PCDH15: variants seen among roughly 807,000 people sequenced by gnomAD.
PCDH15 encodes the protein protocadherin-15.
Under a neutral mutation model 178.5 loss-of-function variants are expected in PCDH15, and 129 were observed. That is an observed-to-expected ratio of 0.72 (90% CI 0.63 to 0.84). PCDH15 has a LOEUF of 0.84. Among genes scored for constraint, PCDH15 ranks in the 40% least tolerant of loss-of-function variants. The pLI, the probability that PCDH15 is intolerant of heterozygous loss-of-function variation, is 0.00. For missense variants in PCDH15, 2,230 were observed against 2,099.9 expected, an observed-to-expected ratio of 1.06 and a Z score of -1.21; for synonymous variants, 800 against 732.0, an observed-to-expected ratio of 1.09 and a Z score of -1.50.
chr10:54,551,542 A>G (rs959333281), intron 2 of PCDH15, among the ~76,000 whole-genome samples: 2 of 152,298 alleles, frequency 1.3e-5, no homozygotes, highest in Admixed American at 6.5e-5. Flanking sequence ...CTACACAGAT[A>G]TTAGAAAATA....
intron 2 of PCDH15, among the ~76,000 whole-genome samples, chr10:55,395,192 T>TGA (rs1837892851): frequency 1.1e-5 from 1 of 89,062 alleles, no homozygotes; most frequent in South Asian, 3.8e-4. Flanking sequence ...TGTGTGTGTG[T>TGA]GTGTGAGAGA....
At chr10:53,901,331 G>T (rs2082319190) in intron 26 of PCDH15, among the ~76,000 whole-genome samples, 1 of 152,006 alleles carries the variant, frequency 6.6e-6, no homozygotes, top group South Asian at 2.1e-4. Flanking sequence ...AGGAGGTATG[G>T]GGATCTGTTC....
At chr10:54,296,144 CAAAAAAAAAA>C (rs59721161) in intron 8 of PCDH15, among the ~76,000 whole-genome samples, 3 of 48,222 alleles carry the variant, frequency 6.2e-5, no homozygotes, top group African/African-American at 1.6e-4. Context: ...GACTCCGTCT[CAAAAAAAAAA>C]AAAAAAAAAA....
chr10:53,971,262 A>G (rs1383103257), intron 21 of PCDH15, among the ~76,000 whole-genome samples: 1 of 152,230 alleles, frequency 6.6e-6, no homozygotes, highest in East Asian at 1.9e-4. Flanking sequence ...AACTCTCAAT[A>G]AACTAGGTAT....
intron 2 of PCDH15, among the ~76,000 whole-genome samples, chr10:54,940,116 T>C (rs1391878560): frequency 6.6e-6 from 1 of 152,170 alleles, no homozygotes; most frequent in Admixed American, 6.5e-5. Context: ...TCAGTGTCTT[T>C]AGGTTTAAGT....
Position 55,393,563 on chromosome 10 carries a change from A to G in PCDH15, c.-155-226912T>C, listed in dbSNP as rs140364122. 2.7e-4 allele frequency among the ~76,000 whole-genome samples: 41 copies of G among 152,306 alleles called. No homozygotes were observed. In the East Asian group the frequency reaches 6.8e-3, roughly 25 times the overall value. ...CCCTAAGGTTAAGGAAACAAAAGTTACCTATGGGTCAACGTTTCAGGGCCC... is the reference window on the plus strand; with the variant it reads ...CCCTAAGGTTAAGGAAACAAAAGTTGCCTATGGGTCAACGTTTCAGGGCCC... On this transcript the variant is annotated intron_variant, in intron 2 of 5. Coordinates refer to the PCDH15 transcript ENST00000613346.
chr10:54,675,907 G>A (rs1027990645), intron 1 of PCDH15, among the ~76,000 whole-genome samples: 1 of 152,092 alleles, frequency 6.6e-6, no homozygotes, highest in Non-Finnish European at 1.5e-5. Context: ...TTCACAAAAT[G>A]TCCTGTTATT....
intron 8 of PCDH15, among the ~76,000 whole-genome samples, chr10:54,277,870 A>G (rs2058437612): frequency 6.9e-6 from 1 of 145,114 alleles, no homozygotes; most frequent in Non-Finnish European, 1.5e-5. Context: ...CCAATATAAT[A>G]CATCAAGGTT....
intron 21 of PCDH15, among the ~76,000 whole-genome samples, chr10:53,993,226 C>A (rs1322118911): frequency 6.6e-6 from 1 of 152,160 alleles, no homozygotes; most frequent in East Asian, 1.9e-4. Flanking sequence ...AGAATTTTTT[C>A]TACAGTAATA....
intron 3 of PCDH15, among the ~76,000 whole-genome samples, chr10:54,847,928 T>C (rs1199202298): frequency 6.6e-6 from 1 of 152,188 alleles, no homozygotes; most frequent in Non-Finnish European, 1.5e-5. Flanking sequence ...GCCAAGCCCA[T>C]ATACTTTGTA....
chr10:55,108,241 C>T (rs896177963), intron 2 of PCDH15, among the ~76,000 whole-genome samples: 4 of 152,178 alleles, frequency 2.6e-5, no homozygotes, highest in African/African-American at 4.8e-5. Context: ...GTTATAGCTA[C>T]CTGGAAGGAC....
chr10:54,998,085 T>C (rs1490175699), intron 2 of PCDH15, among the ~76,000 whole-genome samples: 2 of 152,104 alleles, frequency 1.3e-5, no homozygotes, highest in African/African-American at 4.8e-5. Flanking sequence ...ATATAAAATG[T>C]GCCAAAGAAG....
intron 3 of PCDH15, among the ~76,000 whole-genome samples, chr10:54,403,942 A>G (rs1952273973): frequency 6.6e-6 from 1 of 151,888 alleles, no homozygotes; most frequent in African/African-American, 2.4e-5. Context: ...AAGAACTACA[A>G]AACACTACTT....
At chr10:53,992,413 T>C (rs1383689169) in intron 21 of PCDH15, among the ~76,000 whole-genome samples, 1 of 152,142 alleles carries the variant, frequency 6.6e-6, no homozygotes, top group African/African-American at 2.4e-5. Flanking sequence ...CAATTACTAC[T>C]CTACTTTAAA....
intron 1 of PCDH15, among the ~76,000 whole-genome samples, chr10:55,178,107 T>C (rs544841172): frequency 6.6e-6 from 1 of 152,186 alleles, no homozygotes; most frequent in African/African-American, 2.4e-5. Flanking sequence ...GACTTCCTCA[T>C]AGCTAATTGG....
intron 2 of PCDH15, among the ~76,000 whole-genome samples, chr10:54,560,469 G>T (rs550245096): frequency 1.3e-5 from 2 of 151,954 alleles, no homozygotes; most frequent in Admixed American, 6.6e-5. Context: ...CTCATTAAAA[G>T]AATGCTACAA....
chr10:54,401,386 T>C (rs2135480897), intron 3 of PCDH15, among the ~76,000 whole-genome samples: 1 of 152,014 alleles, frequency 6.6e-6, no homozygotes, highest in South Asian at 2.1e-4. Flanking sequence ...CATTTTAGGT[T>C]AAGTATATTT....
At chr10:55,016,087 C>A (rs767543955) in intron 2 of PCDH15, among the ~76,000 whole-genome samples, 6 of 71,106 alleles carry the variant, frequency 8.4e-5, no homozygotes, top group Admixed American at 1.7e-4. Context: ...ACCTCAATGA[C>A]CTTTTTTTTT....
intron 2 of PCDH15, among the ~76,000 whole-genome samples, chr10:55,463,917 GAA>G (rs1285851795): frequency 2.5e-4 from 6 of 24,020 alleles, no homozygotes; most frequent in East Asian, 0.014. Context: ...AAGAAAGAAA[GAA>G]AGAAAGAAAG....
Sources: allele counts gnomAD v4.1 joint callset (sites outside exome capture counted in the v4.1 genomes callset), GRCh38; gene constraint gnomAD v4.1.1; transcripts MANE v1.5; gene names NCBI Gene and HGNC (gene_info 2026-07-23, HGNC 2026-07-21).